The following HELQ variants were observed in gnomAD, a reference collection of about 807,000 sequenced individuals.
HELQ encodes helicase, POLQ like.
HELQ carries 77 observed loss-of-function variants against 111.6 expected under a neutral mutation model. The observed-to-expected ratio is 0.69, with a 90% CI of 0.57 to 0.83. The LOEUF is 0.83. HELQ is among the 40% of genes least tolerant of loss of function. The pLI, the probability that HELQ is intolerant of heterozygous loss-of-function variation, is 0.00. For synonymous variants in HELQ, 438 were observed against 454.7 expected (o/e 0.96, Z 0.47); for missense variants, 1,200 against 1,288.5 (o/e 0.93, Z 1.05).
intron 14 of HELQ, among the ~76,000 whole-genome samples, chr4:83,422,232 T>G (rs1239777238): frequency 6.6e-6 from 1 of 151,816 alleles, no homozygotes; most frequent in Non-Finnish European, 1.5e-5. Flanking sequence ...AAAATAAAAA[T>G]AAAAATAAAT....
intron 6 of HELQ, among the ~76,000 whole-genome samples, chr4:83,442,652 CT>C (rs1560554032): frequency 1.3e-5 from 2 of 150,808 alleles, no homozygotes; most frequent in South Asian, 2.1e-4. Context: ...ACCTCGTGAT[CT>C]GCCCACCTCG....
intron 10 of HELQ, 57 bp downstream of exon 10, chr4:83,432,069 C>A: frequency 8.5e-7 from 1 of 1,174,822 alleles, no homozygotes; most frequent in Admixed American, 2.5e-5. Context: ...CATAAAAGGG[C>A]TAGACCAACA....
At chr4:83,426,191 T>C in intron 13 of HELQ, 99 bp from the exon 14 acceptor site, 1 of 685,786 alleles carries the variant, frequency 1.5e-6, no homozygotes, top group Non-Finnish European at 2.6e-6. Context: ...TGATTCAGGA[T>C]ACAAAAAACA....
chr4:83,436,307 A>C (rs138348318), intron 9 of HELQ, among the ~76,000 whole-genome samples: 1,524 of 152,318 alleles, frequency 0.01, 18 homozygotes, highest in African/African-American at 0.033. Flanking sequence ...CTGAAAATAC[A>C]TATTTTTTTA....
At position 83,441,313 on chromosome 4, in the gene HELQ, T is replaced by G. The variant is rs148668655; in HGVS notation, c.1654A>C (p.Asn552His). 1,140 of 1,561,598 alleles carry G rather than the reference T, an allele frequency of 7.3e-4. 6 individuals carry two copies. In the African/African-American group the frequency reaches 0.013, roughly 18 times the overall value. Residue 552 changes from asparagine (N) to histidine (H), a missense_variant, in exon 7 of 18, where the codon AAT becomes CAT. Coordinates refer to ENST00000295488, the MANE Select transcript of HELQ (RefSeq NM_133636.5). ...ENGMTFSRLL[N>H]YKYSDTLKKM... The stretch of plus-strand genomic sequence containing the variant: ...AATGTTATCAATGTTACCTTATAAT[T>G]AAGAAGACGTGAAAAAGTCATGCCA...
At chr4:83,438,701 GTGCTACTGCA>G (rs1177119765) in intron 8 of HELQ, among the ~76,000 whole-genome samples, 3 of 138,776 alleles carry the variant, frequency 2.2e-5, no homozygotes, top group Non-Finnish European at 1.5e-5. Flanking sequence ...AGCTGAATTT[GTGCTACTGCA>G]TTCCAGCATA....
intron 2 of HELQ, among the ~76,000 whole-genome samples, chr4:83,449,217 A>C (rs1235168007): frequency 3.9e-5 from 6 of 152,250 alleles, no homozygotes; most frequent in Admixed American, 3.9e-4. Context: ...GTCCAATATT[A>C]CAGCAGGGCA....
chr4:83,453,645 C>T lies in HELQ; in HGVS notation c.598G>A (p.Ala200Thr). 1.9e-6 allele frequency: 3 copies of T among 1,613,982 alleles called. No individual in the cohort carries two copies. The highest frequency in any genetic ancestry group is 1.7e-5 in the Admixed American group (1 of 60,004). ...DLLYDVPSSQ[A>T]IYFENLQNSS... ...TTCTGCAAATTTTCAAAGTATATAG[C>T]CTGTGAGGAAGGTACATCATACAAA... is the stretch of plus-strand genomic sequence containing the variant. The change falls in exon 2 of 18, where the codon GCT becomes ACT. Residue 200 changes from alanine to threonine, a missense_variant. Ala to Thr is a moderately conservative substitution (Grantham distance 58). This residue lies in a region of HELQ where 610 missense variants were observed against 607.1 expected (regional missense o/e 1.00). Transcript: ENST00000295488.
At chr4:83,408,651 C>T (rs557821648) in intron 17 of HELQ, among the ~76,000 whole-genome samples, 5 of 150,646 alleles carry the variant, frequency 3.3e-5, no homozygotes, top group African/African-American at 7.3e-5. Context: ...TGGGCTCAAA[C>T]GATCCTCCTG....
chr4:83,453,308 T>A lies in HELQ; in HGVS notation c.935A>T (p.Asp312Val). Residue 312 changes from aspartate (D) to valine (V), a missense_variant, in exon 2 of 18, where the codon GAC becomes GTC. Asp to Val is a radical substitution (Grantham distance 152). Transcript: ENST00000295488. ...GGGTAATGAATAAAAAGGACCAAGG[T>A]CATTTGATGATGACTCAACTGTTTT... ...AKKTVESSSN[D>V]LGPFYSLPSK... The A allele has an allele frequency of 3.7e-6, 6 of 1,613,940 alleles. No individual in the cohort carries two copies. Among genetic ancestry groups the A allele is most frequent in the Non-Finnish European group, 5.1e-6 (6 of 1,179,882 alleles).
In HELQ at chr4:83,446,891, T is replaced by C; in HGVS notation, c.1336A>G (p.Asn446Asp). The C allele has an allele frequency of 6.2e-7, 1 of 1,613,812 alleles. No homozygotes were observed. The highest frequency in any genetic ancestry group is 8.5e-7 in the Non-Finnish European group (1 of 1,179,696). Residue 446 changes from asparagine (N) to aspartate (D), a missense_variant, in exon 4 of 18, where the codon AAC (asparagine) becomes GAC (aspartate). This residue lies in a region of HELQ where 610 missense variants were observed against 607.1 expected (regional missense o/e 1.00). Transcript: ENST00000295488. ...ATTCTTCCAGTTTCAATCAAGGAGT[T>C]CACCAAGCTATGTCCTTTTTCAATA... Reference protein sequence around the residue: ...ATIEKGHSLVNSLIETGRIDS... With the variant: ...ATIEKGHSLVDSLIETGRIDS...
At chr4:83,425,885 T>G in intron 14 of HELQ, 109 bp downstream of exon 14, 1 of 592,136 alleles carries the variant, frequency 1.7e-6, no homozygotes, top group East Asian at 2.7e-5. Context: ...GGAAAAAATG[T>G]AAACCAAAAA....
Position 83,428,367 on chromosome 4 carries a change from C to T in HELQ, c.2519-647G>A, listed in dbSNP as rs368718923. On this transcript the variant is annotated intron_variant, in intron 12 of 17. Transcript: ENST00000295488. The stretch of plus-strand genomic sequence containing the variant: ...ATTTTTCATTAAAAAAAAGCCTCAG[C>T]CTGGGCACCATCGTGAAACCCCATC... Among the ~76,000 whole-genome samples the T allele has an allele frequency of 9.9e-5, 15 of 151,814 alleles. 1 individual carries two copies. Among genetic ancestry groups the T allele is most frequent in the Admixed American group, 8.5e-4 (13 of 15,260 alleles).
intron 5 of HELQ, among the ~76,000 whole-genome samples, chr4:83,445,359 C>CTA (rs1255012454): frequency 6.6e-6 from 1 of 152,148 alleles, no homozygotes; most frequent in African/African-American, 2.4e-5. Context: ...TTATAAAATG[C>CTA]TATAACCTGC....
chr4:83,420,234 G>C (rs1017772994), intron 15 of HELQ, among the ~76,000 whole-genome samples: 7 of 152,226 alleles, frequency 4.6e-5, no homozygotes, highest in Non-Finnish European at 7.3e-5. Flanking sequence ...CATATGACCA[G>C]TATAAGGTTT....
chr4:83,447,080 GCCAATGCCTGTAATCCCAGT>G, intron 3 of HELQ, 45 bp from the exon 4 acceptor site: 5 of 318,296 alleles, frequency 1.6e-5, no homozygotes, highest in Non-Finnish European at 2.2e-5. Flanking sequence ...AGGCATTGTG[GCCAATGCCTGTAATCCCAGT>G]ACCTTGGGAG....
In HELQ at chr4:83,441,770, C is replaced by CT. The variant is rs34655032; in HGVS notation, c.1564-368dup. Among the ~76,000 whole-genome samples, 728 of 123,822 alleles carry CT rather than the reference C, an allele frequency of 5.9e-3. 8 individuals are homozygous for CT. Among genetic ancestry groups the CT allele is most frequent in the African/African-American group, 7.9e-3 (278 of 35,076 alleles). 81.2% of individuals were successfully genotyped at this position (123,822 alleles called of 152,430 possible). A position where few individuals can be genotyped will look rare whatever the true frequency, so the allele number is the denominator to read the frequency against. Reference sequence around the variant, plus strand: ...TATGTCTCAAGATCTAAAACTTTGTCTTTTTTTTTTTTTTTTTTTTGAGAC... The same window carrying CT: ...TATGTCTCAAGATCTAAAACTTTGTCTTTTTTTTTTTTTTTTTTTTTGAGAC... On this transcript the variant is annotated intron_variant, in intron 6 of 17. Transcript: ENST00000295488.
chr4:83,423,896 C>T (rs973633471), intron 14 of HELQ, among the ~76,000 whole-genome samples: 5 of 149,360 alleles, frequency 3.3e-5, no homozygotes, highest in African/African-American at 5.0e-5. Context: ...GGAGCCTGGG[C>T]GACAAGAGCG....
intron 12 of HELQ, 80 bp from the exon 13 acceptor site, chr4:83,427,800 T>C: frequency 2.0e-6 from 2 of 1,021,944 alleles, no homozygotes; most frequent in Non-Finnish European, 2.7e-6. Flanking sequence ...GTGTAGAAAT[T>C]GCTTAAATAT....
Sources: allele counts gnomAD v4.1 joint callset (sites outside exome capture counted in the v4.1 genomes callset), GRCh38; gene constraint gnomAD v4.1.1; regional missense constraint gnomAD v4.1.1; transcripts MANE v1.5; gene names NCBI Gene and HGNC (gene_info 2026-07-23, HGNC 2026-07-21).